Variants in SLC35D4 observed in about 807,000 individuals in gnomAD.
SLC35D4 encodes UDP-N-acetylglucosamine transporter SLC35D4.
At chr18:23,398,203 G>A in the SLC35D4 span, among the ~76,000 whole-genome samples, 3 of 152,168 alleles carry the variant, frequency 2.0e-5, no homozygotes, top group Non-Finnish European at 2.9e-5. Flanking sequence ...TCAAAAGATT[G>A]CAAGAATCAC....
At chr18:23,304,520 T>C in the SLC35D4 span, among the ~76,000 whole-genome samples, 1 of 149,134 alleles carries the variant, frequency 6.7e-6, no homozygotes, top group Admixed American at 6.7e-5. Context: ...CAATTATATA[T>C]AACATATATA....
chr18:23,349,726 A>G, the SLC35D4 span, among the ~76,000 whole-genome samples: 1 of 152,254 alleles, frequency 6.6e-6, no homozygotes, highest in Non-Finnish European at 1.5e-5. Flanking sequence ...AAAAGAACTT[A>G]TAAGTTCACT....
the SLC35D4 span, chr18:23,254,040 C>A: frequency 2.1e-6 from 2 of 934,770 alleles, no homozygotes; most frequent in Non-Finnish European, 3.4e-6. Context: ...GATTCTGATC[C>A]TTAGTCAGCA....
chr18:23,377,021 T>A, the SLC35D4 span: 1 of 454,320 alleles, frequency 2.2e-6, no homozygotes, highest in Non-Finnish European at 4.4e-6. Context: ...TAAATCCATC[T>A]ATCAAAGCAC....
the SLC35D4 span, among the ~76,000 whole-genome samples, chr18:23,303,110 C>A: frequency 6.6e-6 from 1 of 152,240 alleles, no homozygotes; most frequent in Non-Finnish European, 1.5e-5. Flanking sequence ...CCGCCCCTGC[C>A]TGGGCTCTGA....
At chr18:23,363,438 G>GCA in the SLC35D4 span, among the ~76,000 whole-genome samples, 1 of 131,912 alleles carries the variant, frequency 7.6e-6, no homozygotes, top group East Asian at 2.5e-4. Flanking sequence ...GCAGTGAGGC[G>GCA]ATCTCAGCTC....
chr18:23,437,709 G>A, the SLC35D4 span: 2 of 1,506,950 alleles, frequency 1.3e-6, no homozygotes, highest in South Asian at 1.2e-5. Context: ...AGGAGGCTCC[G>A]TTTGTCACGG....
At chr18:23,353,579 A>G in the SLC35D4 span, among the ~76,000 whole-genome samples, 1 of 152,210 alleles carries the variant, frequency 6.6e-6, no homozygotes, top group African/African-American at 2.4e-5. Context: ...GGGCAGGACT[A>G]AAGACAGGCA....
the SLC35D4 span, among the ~76,000 whole-genome samples, chr18:23,423,128 G>A: frequency 6.6e-6 from 1 of 152,320 alleles, no homozygotes; most frequent in African/African-American, 2.4e-5. Flanking sequence ...CCACATTCCA[G>A]CCACAGCAGA....
At chr18:23,366,357 C>T in the SLC35D4 span, among the ~76,000 whole-genome samples, 10 of 152,264 alleles carry the variant, frequency 6.6e-5, no homozygotes, top group Non-Finnish European at 1.3e-4. Context: ...ATCCCCCACC[C>T]TCTGCAACCT....
the SLC35D4 span, among the ~76,000 whole-genome samples, chr18:23,391,888 A>G: frequency 6.6e-6 from 1 of 151,744 alleles, no homozygotes; most frequent in East Asian, 1.9e-4. Flanking sequence ...TATGTGCTAA[A>G]TCTCTCTGTG....
At chr18:23,352,087 G>T in the SLC35D4 span, 1 of 856,110 alleles carries the variant, frequency 1.2e-6, no homozygotes, top group Non-Finnish European at 1.8e-6. Context: ...CAGGGACAGC[G>T]CCTAGAAGTG....
the SLC35D4 span, among the ~76,000 whole-genome samples, chr18:23,415,639 A>T: frequency 0.027 from 4,046 of 152,346 alleles, 60 homozygotes; most frequent in Middle Eastern, 0.061. Context: ...TTGCAAATAC[A>T]GGAAGCCTTT....
the SLC35D4 span, among the ~76,000 whole-genome samples, chr18:23,406,962 T>C: frequency 6.6e-6 from 1 of 152,242 alleles, no homozygotes; most frequent in South Asian, 2.1e-4. Context: ...CACACCACCA[T>C]GCCATGCTAA....
the SLC35D4 span, among the ~76,000 whole-genome samples, chr18:23,350,077 T>C: frequency 1.3e-5 from 2 of 152,218 alleles, no homozygotes; most frequent in Admixed American, 6.5e-5. Context: ...CATGTTTTTG[T>C]TGAATACTGA....
At chr18:23,421,780 G>T in the SLC35D4 span, among the ~76,000 whole-genome samples, 1 of 150,884 alleles carries the variant, frequency 6.6e-6, no homozygotes, top group African/African-American at 2.4e-5. Flanking sequence ...AGGTTCAAGC[G>T]ATTCTCCTGC....
the SLC35D4 span, among the ~76,000 whole-genome samples, chr18:23,431,407 A>G: frequency 2.6e-5 from 4 of 152,170 alleles, no homozygotes; most frequent in Admixed American, 1.3e-4. Flanking sequence ...GTCCCTGGAC[A>G]CAGTCTGTTT....
the SLC35D4 span, among the ~76,000 whole-genome samples, chr18:23,366,207 G>A: frequency 6.6e-6 from 1 of 152,198 alleles, no homozygotes; most frequent in Non-Finnish European, 1.5e-5. Flanking sequence ...AGGATGAAAA[G>A]AGAATGAAAA....
the SLC35D4 span, among the ~76,000 whole-genome samples, chr18:23,433,890 A>G: frequency 6.6e-6 from 1 of 152,162 alleles, no homozygotes; most frequent in Non-Finnish European, 1.5e-5. Context: ...TCACTAATTC[A>G]AAAGAAAATT....
Sources: allele counts gnomAD v4.1 joint callset (sites outside exome capture counted in the v4.1 genomes callset), GRCh38; gene constraint gnomAD v4.1.1; transcripts MANE v1.5; gene names NCBI Gene and HGNC (gene_info 2026-07-23, HGNC 2026-07-21).